The following TLCD5 variants were observed in gnomAD, a reference collection of about 807,000 sequenced individuals.
TLCD5 encodes TLC domain-containing protein 5.
In TLCD5, 15 loss-of-function variants were observed where a neutral mutation model predicts 20.5. The observed-to-expected ratio is 0.73, with a 90% confidence interval of 0.49 to 1.13. The LOEUF (loss-of-function observed/expected upper bound fraction) is 1.13, where lower values mean the gene tolerates loss of function less well. Among genes scored for constraint, TLCD5 ranks in the 50% most tolerant of loss-of-function variants. TLCD5 has a pLI of 0.00. For missense variants in TLCD5, 289 were observed against 305.6 expected (o/e 0.95, Z 0.41); for synonymous variants, 107 against 114.7 (o/e 0.93, Z 0.43).
chr11:120,329,298 C>G (rs1290736333), intron 2 of TLCD5, among the ~76,000 whole-genome samples: 1 of 152,198 alleles, frequency 6.6e-6, no homozygotes, highest in African/African-American at 2.4e-5. Flanking sequence ...CAGCCCTTAA[C>G]TCCCCTGGAA....
Position 120,327,612 on chromosome 11 carries a change from T to A in TLCD5, c.171T>A (p.Ile57=), listed in dbSNP as rs1942031993. The change falls in exon 2 of 3, where the codon ATT becomes ATA. Residue 57 remains isoleucine, a synonymous_variant. Transcript: ENST00000375095. The stretch of plus-strand genomic sequence containing the variant: ...GCCTCTCCGCTTATATTGGCTTCAT[T>A]GATGGCCCATGGCCTTTTACCCACC... The part of the protein sequence containing the change: ...SIGLSAYIGF[I]DGPWPFTHPG... 2.5e-6 allele frequency: 4 copies of A among 1,614,214 alleles called. No individual in the cohort carries two copies. Among genetic ancestry groups the A allele is most frequent in the Non-Finnish European group, 3.4e-6 (4 of 1,180,034 alleles).
At chr11:120,325,502 A>T (rs1941974637) in intron 1 of TLCD5, 134 bp downstream of exon 1, 1 of 151,964 alleles carries the variant, frequency 6.6e-6, no homozygotes, top group Admixed American at 6.5e-5. Flanking sequence ...CGGACGCCCG[A>T]GGCCTTCCTG....
In TLCD5 at chr11:120,331,180, T is replaced by C. The variant is rs1942145813; in HGVS notation, c.*665T>C. 6.6e-6 allele frequency: 1 copy of C among 152,176 alleles called. No homozygotes were observed. The allele number at this position is 152,176 out of a possible 1,614,324, so 9.4% of individuals were successfully genotyped here. ...AAGACTCAGTGGACTCAGCATATAGTCTTACTTATAGTTTTGATTTATTAT... is the reference window on the plus strand; with the variant it reads ...AAGACTCAGTGGACTCAGCATATAGCCTTACTTATAGTTTTGATTTATTAT... On this transcript the variant is annotated 3_prime_UTR_variant, in exon 3 of 3. Transcript: ENST00000375095. The surrounding 1 kb of genome is among the most constrained non-coding windows in gnomAD (Gnocchi z 4.5).
At chr11:120,329,599 G>A (rs1049889906) in intron 2 of TLCD5, among the ~76,000 whole-genome samples, 2 of 152,028 alleles carry the variant, frequency 1.3e-5, no homozygotes, top group African/African-American at 4.8e-5. Flanking sequence ...TGATTCAAGA[G>A]TCTGGAAATA....
At chr11:120,326,162 T>C (rs1038340574) in intron 1 of TLCD5, among the ~76,000 whole-genome samples, 1 of 152,206 alleles carries the variant, frequency 6.6e-6, no homozygotes, top group Non-Finnish European at 1.5e-5. Context: ...CTTTCTTTCC[T>C]TTCCCTTCCT....
In TLCD5 at chr11:120,330,039, G is replaced by A. The variant is rs1263363385; in HGVS notation, c.262G>A (p.Asp88Asn). 11 of 1,613,944 alleles carry A rather than the reference G, an allele frequency of 6.8e-6. No individual in the cohort carries two copies. Among genetic ancestry groups the A allele is most frequent in the East Asian group, 2.2e-5 (1 of 44,888 alleles). ...TCTCACCTTGGGCTACTTCATCTTC[G>A]ACTTGGGCTGGTGCGTCTACTTTCA... ...LCLTLGYFIF[D>N]LGWCVYFQSE... Residue 88 changes from aspartate (D) to asparagine (N), a missense_variant, in exon 3 of 3, where the codon GAC (aspartate) becomes AAC (asparagine). Asp to Asn is a conservative substitution (Grantham distance 23). Transcript: ENST00000375095.
intron 2 of TLCD5, among the ~76,000 whole-genome samples, chr11:120,328,773 T>TGTGTGTGCGTGTATGTTTGTATATGCGC (rs1388398001): frequency 3.1e-5 from 2 of 65,530 alleles, no homozygotes; most frequent in African/African-American, 7.4e-5. Context: ...TGTGTGTGTG[T>TGTGTGTGCGTGTATGTTTGTATATGCGC]GTGTGCGCGT....
In TLCD5 at chr11:120,332,520, TTTG is replaced by T. The variant is rs531300237; in HGVS notation, c.*2032_*2034del. ...TAATCTAACGTAATGAATGGTGTCT[TTTG>T]TTGTTGTTGTTGTTGTTGTTGTTGT... On this transcript the variant is annotated 3_prime_UTR_variant, in exon 3 of 3. Coordinates refer to ENST00000375095, the MANE Select transcript of TLCD5 (RefSeq NM_001198671.2). The surrounding 1 kb of genome is among the most constrained non-coding windows in gnomAD (Gnocchi z 4.2). 22 of 151,684 alleles carry T rather than the reference TTTG, an allele frequency of 1.5e-4. No individual in the cohort carries two copies. Among genetic ancestry groups the T allele is most frequent in the South Asian group, 8.4e-4 (4 of 4,784 alleles). The allele number at this position is 151,684 out of a possible 1,614,324, so 9.4% of individuals were successfully genotyped here. A position where few individuals can be genotyped will look rare whatever the true frequency, so the allele number is the denominator to read the frequency against.
At position 120,331,723 on chromosome 11, in the gene TLCD5, C is replaced by G. The variant is rs776984255; in HGVS notation, c.*1208C>G. The G allele has an allele frequency of 7.2e-5, 11 of 152,200 alleles. No individual in the cohort carries two copies. The highest frequency in any genetic ancestry group is 1.3e-4 in the Non-Finnish European group (9 of 68,044). The allele number at this position is 152,200 out of a possible 1,614,324, so 9.4% of individuals were successfully genotyped here. A position where few individuals can be genotyped will look rare whatever the true frequency, so the allele number is the denominator to read the frequency against. Reference sequence around the variant, plus strand: ...TGAAGTGTGGGTAGATTTACTGAGTCCTGTTATATGGGTTCTGCCCTACCA... The same window carrying G: ...TGAAGTGTGGGTAGATTTACTGAGTGCTGTTATATGGGTTCTGCCCTACCA... On this transcript the variant is annotated 3_prime_UTR_variant, in exon 3 of 3. Transcript: ENST00000375095. The surrounding 1 kb of genome is among the most constrained non-coding windows in gnomAD (Gnocchi z 4.5).
In TLCD5 at chr11:120,332,153, T is replaced by A. The variant is rs1942168886; in HGVS notation, c.*1638T>A. ...GGTTAAGAATCCAGAATTCCTGGGT[T>A]CTTTTAACTAATTTTGCTACTCACT... is the stretch of plus-strand genomic sequence containing the variant. On this transcript the variant is annotated 3_prime_UTR_variant, in exon 3 of 3. Transcript: ENST00000375095. This position sits in a 1 kb window ranked among gnomAD's most constrained non-coding sequence, Gnocchi z 4.2. 1 of 152,188 alleles carries A rather than the reference T, an allele frequency of 6.6e-6. No individual in the cohort carries two copies. Among genetic ancestry groups the A allele is most frequent in the Non-Finnish European group, 1.5e-5 (1 of 68,034 alleles). The allele number at this position is 152,188 out of a possible 1,614,324, so 9.4% of individuals were successfully genotyped here.
At chr11:120,326,173 C>A (rs1422351139) in intron 1 of TLCD5, among the ~76,000 whole-genome samples, 1 of 152,018 alleles carries the variant, frequency 6.6e-6, no homozygotes, top group Non-Finnish European at 1.5e-5. Flanking sequence ...TTCCCTTCCT[C>A]CCCTTCCTCT....
rs1942118170 is a variant in TLCD5, at chr11:120,330,199, A to G, written c.422A>G (p.Gln141Arg). ...FGSELTNPLLQMRWFLRETGH... is the reference protein window; with the variant it reads ...FGSELTNPLLRMRWFLRETGH... Reference sequence around the variant, plus strand: ...AGTGAGCTTACCAACCCCTTGCTACAGATGCGCTGGTTTCTCCGGGAAACA... The same window carrying G: ...AGTGAGCTTACCAACCCCTTGCTACGGATGCGCTGGTTTCTCCGGGAAACA... Residue 141 changes from glutamine (Q) to arginine (R), a missense_variant, in exon 3 of 3, where the codon CAG becomes CGG. Coordinates refer to ENST00000375095, the MANE Select transcript of TLCD5 (RefSeq NM_001198671.2). 3.8e-6 allele frequency: 6 copies of G among 1,569,034 alleles called. No individual in the cohort carries two copies. The highest frequency in any genetic ancestry group is 2.3e-5 in the East Asian group (1 of 42,922).
intron 2 of TLCD5, 90 bp downstream of exon 2, chr11:120,327,730 G>T: frequency 1.6e-6 from 2 of 1,255,706 alleles, no homozygotes; most frequent in South Asian, 1.6e-5. Flanking sequence ...CAATACTGAA[G>T]ACTAATTCCC....
chr11:120,327,786 C>CTGATAT (rs1218733790), intron 2 of TLCD5, 146 bp downstream of exon 2: 1 of 819,650 alleles, frequency 1.2e-6, no homozygotes, highest in Non-Finnish European at 1.8e-6. Flanking sequence ...ATTGTTAACT[C>CTGATAT]TGATATTGTT....
At chr11:120,326,723 G>T (rs1407189712) in intron 1 of TLCD5, among the ~76,000 whole-genome samples, 1 of 152,124 alleles carries the variant, frequency 6.6e-6, no homozygotes, top group East Asian at 1.9e-4. Context: ...CTGAATAATT[G>T]CCTTAAGGAT....
intron 1 of TLCD5, among the ~76,000 whole-genome samples, chr11:120,325,847 C>T (rs1941986170): frequency 6.6e-6 from 1 of 152,236 alleles, no homozygotes; most frequent in Admixed American, 6.5e-5. Context: ...CTGCCATTTA[C>T]GAATGTCTGT....
At chr11:120,329,080 TTG>T (rs67465966) in intron 2 of TLCD5, among the ~76,000 whole-genome samples, 14,095 of 113,724 alleles carry the variant, frequency 0.12, 1,193 homozygotes, top group African/African-American at 0.28. Context: ...AACAGTCATA[TTG>T]TGTGTGTGTG....
intron 1 of TLCD5, 41 bp from the exon 2 acceptor site, chr11:120,327,400 G>T: frequency 1.9e-6 from 3 of 1,614,040 alleles, no homozygotes; most frequent in Non-Finnish European, 2.5e-6. Context: ...TTTTCTTAGG[G>T]TGCATCCTTT....
Position 120,330,382 on chromosome 11 carries a change from C to G in TLCD5, c.605C>G (p.Ala202Gly), listed in dbSNP as rs754975017. The G allele has an allele frequency of 6.2e-7, 1 of 1,614,068 alleles. No individual in the cohort carries two copies. Among genetic ancestry groups the G allele is most frequent in the South Asian group, 1.1e-5 (1 of 91,064 alleles). The change falls in exon 3 of 3, where the codon GCT becomes GGT. Residue 202 changes from alanine to glycine, a missense_variant. Ala to Gly is a moderately conservative substitution (Grantham distance 60). Coordinates refer to ENST00000375095, the MANE Select transcript of TLCD5 (RefSeq NM_001198671.2). Reference sequence around the variant, plus strand: ...AAGGCTGGGGGAGTAGCGATGTATGCTGTGTCTTGGTGTTTCATGTTTAGC... The same window carrying G: ...AAGGCTGGGGGAGTAGCGATGTATGGTGTGTCTTGGTGTTTCATGTTTAGC... ...FVKAGGVAMY[A>G]VSWCFMFSIW...
Sources: allele counts gnomAD v4.1 joint callset (sites outside exome capture counted in the v4.1 genomes callset), GRCh38; gene constraint gnomAD v4.1.1; non-coding constraint Gnocchi (gnomAD v3.1); transcripts MANE v1.5; gene names NCBI Gene and HGNC (gene_info 2026-07-23, HGNC 2026-07-21).